ESPN: variants seen among roughly 807,000 people sequenced by gnomAD.
The protein encoded by ESPN is autosomal recessive deafness type 36 protein.
In ESPN, 68 loss-of-function variants were observed where a neutral mutation model predicts 77.7. The observed-to-expected ratio is 0.87, with a 90% CI of 0.72 to 1.07. The LOEUF is 1.07. Among genes scored for constraint, ESPN ranks in the 50% least tolerant of loss-of-function variants. The pLI is 0.00. For missense variants in ESPN, 1,060 were observed against 1,239.0 expected (o/e 0.86, Z 2.17); for synonymous variants, 449 against 567.1 (o/e 0.79, Z 2.96).
Position 6,445,813 on chromosome 1 carries a change from C to T in ESPN, c.1342C>T (p.Leu448=). The part of the protein sequence containing the change: ...PPPPPPPGTQ[L]PPPPPGYPAP... ...GCCACCCCCGCCCCCAGGCACCCAA[C>T]TGCCCCCACCCCCACCTGGCTACCC... is the stretch of plus-strand genomic sequence containing the variant. Residue 448 remains leucine, a synonymous_variant, in exon 7 of 13, where the codon CTG becomes TTG. Coordinates refer to ENST00000645284, the MANE Select transcript of ESPN (RefSeq NM_031475.3). The T allele has an allele frequency of 6.6e-7, 1 of 1,518,100 alleles. No individual in the cohort carries two copies. The highest frequency in any genetic ancestry group is 1.4e-5 in the African/African-American group (1 of 70,600). 94.0% of individuals were successfully genotyped at this position (1,518,100 alleles called of 1,614,324 possible).
At chr1:6,461,197 C>T (rs1340437140), downstream of ESPN, 1 of 720,500 alleles carries the variant, frequency 1.4e-6, no homozygotes, top group South Asian at 1.5e-5. The surrounding 1 kb of genome is among the most constrained non-coding windows in gnomAD (Gnocchi z 6.3). Context: ...ACCGCGATCT[C>T]AGCCAAACTC....
rs1569731046 is a variant in ESPN, at chr1:6,452,193, A to G, written c.2325+97A>G. 6.0e-6 allele frequency: 8 copies of G among 1,324,436 alleles called. No homozygotes were observed. In the South Asian group the frequency reaches 1.1e-4, roughly 18 times the overall value. 82.0% of individuals were successfully genotyped at this position (1,324,436 alleles called of 1,614,324 possible). On this transcript the variant is annotated intron_variant, in intron 10 of 12. Transcript: ENST00000645284. ...CCCAACCCCAACCTCGGGACCTCCC[A>G]TTTTCTTTCTTTTTTTTTTTTCTTT...
rs1489608856 is a variant in ESPN, at chr1:6,449,057, C to T, written c.1881C>T (p.Gly627=). ...TGCCCCTCGAGAGCGCTGGCCCTGG[C>T]TGCGGGCAGCGCCGCTCCTCCTCGT... ...PPLPLESAGP[G]CGQRRSSSST... The change falls in exon 8 of 13, where the codon GGC becomes GGT. Residue 627 remains glycine, a synonymous_variant. Transcript: ENST00000645284. 9 of 1,484,802 alleles carry T rather than the reference C, an allele frequency of 6.1e-6. No individual in the cohort carries two copies. Among genetic ancestry groups the T allele is most frequent in the Non-Finnish European group, 7.1e-6 (8 of 1,124,806 alleles). 92.0% of individuals were successfully genotyped at this position (1,484,802 alleles called of 1,614,324 possible).
chr1:6,455,885 C>T, intron 10 of ESPN: 1 of 398,906 alleles, frequency 2.5e-6, no homozygotes, highest in Non-Finnish European at 4.4e-6. Context: ...AGCCGGCCCC[C>T]GAAGAACAGG....
intron 5 of ESPN, among the ~76,000 whole-genome samples, chr1:6,442,413 A>G (rs1643669300): frequency 1.3e-5 from 2 of 151,620 alleles, no homozygotes; most frequent in South Asian, 4.2e-4. Flanking sequence ...TACTAAAAAT[A>G]CAAAAAAAAA....
In ESPN at chr1:6,427,917, G is replaced by A. The variant is rs111917811; in HGVS notation, c.295-309G>A. 0.14 allele frequency among the ~76,000 whole-genome samples: 21,626 copies of A among 152,190 alleles called. 2,115 individuals carry two copies. The highest frequency in any genetic ancestry group is 0.28 in the African/African-American group (11,532 of 41,500). On this transcript the variant is annotated intron_variant, in intron 1 of 12. Coordinates refer to ENST00000645284, the MANE Select transcript of ESPN (RefSeq NM_031475.3). This position sits in a 1 kb window ranked among gnomAD's most constrained non-coding sequence, Gnocchi z 4.6. ...CTGGGCCTGGTGCCAGTCTCCTGCC[G>A]TGACAACCAGGTGCCTGTCGTGTAG... is the stretch of plus-strand genomic sequence containing the variant.
rs145974670 is a variant in ESPN at position 6,425,424 on chromosome 1, T to A, written c.294+175T>A. On this transcript the variant is annotated intron_variant, in intron 1 of 12. Transcript: ENST00000645284. Reference sequence around the variant, plus strand: ...GTGAATGGGCTCCCTGGCTTGCCAGTACTGGGGCAGATGCCCTGGCGAGCC... The same window carrying A: ...GTGAATGGGCTCCCTGGCTTGCCAGAACTGGGGCAGATGCCCTGGCGAGCC... Among the ~76,000 whole-genome samples the A allele has an allele frequency of 1.2e-4, 18 of 152,324 alleles. No individual in the cohort carries two copies. In the East Asian group the frequency reaches 3.5e-3, roughly 29 times the overall value.
rs575954281 is a variant in ESPN at position 6,439,606 on chromosome 1, G to A, written c.489-648G>A. Among the ~76,000 whole-genome samples, 6 of 152,236 alleles carry A rather than the reference G, an allele frequency of 3.9e-5. No homozygotes were observed. In the South Asian group the frequency reaches 1.2e-3, roughly 32 times the overall value. On this transcript the variant is annotated intron_variant, in intron 2 of 12. Coordinates refer to ENST00000645284, the MANE Select transcript of ESPN (RefSeq NM_031475.3). ...AGGAGAAGGACATTCCAGATGGAGG[G>A]GGCACACAATGAAAGGGATAGAGGT... is the stretch of plus-strand genomic sequence containing the variant.
At chr1:6,449,926 C>T (rs1321947948) in intron 8 of ESPN, among the ~76,000 whole-genome samples, 1 of 152,124 alleles carries the variant, frequency 6.6e-6, no homozygotes, top group Non-Finnish European at 1.5e-5. Flanking sequence ...CTTAGTGGCA[C>T]CCCTCAAAGC....
At position 6,460,410 on chromosome 1, in the gene ESPN, C is replaced by G. The variant is rs547192907; in HGVS notation, c.*264C>G. The G allele has an allele frequency of 1.3e-4, 65 of 499,154 alleles. 1 individual carries two copies. The South Asian group carries it at 1.5e-3, about 12-fold the overall frequency. The allele number at this position is 499,154 out of a possible 1,614,324, so 30.9% of individuals were successfully genotyped here. A position where few individuals can be genotyped will look rare whatever the true frequency, so the allele number is the denominator to read the frequency against. ...TGCTGCTTATTTGCATGCCGACTTA[C>G]ATATATTTGCATGTTCGTTGACTAT... On this transcript the variant is annotated 3_prime_UTR_variant, in exon 13 of 13. Coordinates refer to ENST00000645284, the MANE Select transcript of ESPN (RefSeq NM_031475.3).
chr1:6,454,095 C>T (rs557318483), intron 10 of ESPN, among the ~76,000 whole-genome samples: 3 of 152,346 alleles, frequency 2.0e-5, no homozygotes, highest in East Asian at 1.9e-4. Flanking sequence ...TCAGCTTCAA[C>T]GCCTTTCGCA....
rs555469455 is a variant in ESPN at position 6,455,233 on chromosome 1, C to T, written c.2326-1951C>T. 2.1e-5 allele frequency: 8 copies of T among 389,968 alleles called. No individual in the cohort carries two copies. The South Asian group carries it at 3.8e-4, about 19-fold the overall frequency. 24.2% of individuals were successfully genotyped at this position (389,968 alleles called of 1,614,324 possible). ...CTGGCGCGCCGGCCGCCCCTCTGCA[C>T]GAAGCTGCGCGGCGTCCAGGACTAC... On this transcript the variant is annotated intron_variant, in intron 10 of 12. Coordinates refer to ENST00000645284, the MANE Select transcript of ESPN (RefSeq NM_031475.3).
At chr1:6,435,404 A>T (rs1275247553) in intron 2 of ESPN, among the ~76,000 whole-genome samples, 2 of 152,264 alleles carry the variant, frequency 1.3e-5, no homozygotes, top group Non-Finnish European at 2.9e-5. Context: ...AGATTCCCAC[A>T]GCCCACACGG....
At chr1:6,452,612 G>A (rs564393463) in intron 10 of ESPN, among the ~76,000 whole-genome samples, 10 of 152,184 alleles carry the variant, frequency 6.6e-5, no homozygotes, top group African/African-American at 1.2e-4. Flanking sequence ...AGGCCTGTTC[G>A]GATTTAGGAG....
In ESPN at chr1:6,460,727, G is replaced by GC. The variant is rs754407665; in HGVS notation, c.*586dup. The stretch of plus-strand genomic sequence containing the variant: ...CCTGTCTGGCCGGGCCGCACTTGTG[G>GC]CCCCCGGGACCCCACCTCTGGCCCC... On this transcript the variant is annotated 3_prime_UTR_variant, in exon 13 of 13. Transcript: ENST00000645284. The GC allele has an allele frequency of 4.0e-4, 69 of 170,390 alleles. No homozygotes were observed. The highest frequency in any genetic ancestry group is 7.7e-4 in the Non-Finnish European group (61 of 78,924). The allele number at this position is 170,390 out of a possible 1,614,324, so 10.6% of individuals were successfully genotyped here. A position where few individuals can be genotyped will look rare whatever the true frequency, so the allele number is the denominator to read the frequency against.
At chr1:6,432,992 C>A (rs1248157629) in intron 2 of ESPN, among the ~76,000 whole-genome samples, 2 of 151,766 alleles carry the variant, frequency 1.3e-5, no homozygotes, top group Non-Finnish European at 2.9e-5. Context: ...TGTGGTGGCA[C>A]GTGCCTGTAG....
At position 6,445,656 on chromosome 1, in the gene ESPN, C is replaced by T. The variant is rs1294223564; in HGVS notation, c.1193-8C>T. On this transcript the variant is annotated splice_polypyrimidine_tract_variant and splice_region_variant and intron_variant, in intron 6 of 12. Coordinates refer to ENST00000645284, the MANE Select transcript of ESPN (RefSeq NM_031475.3). ...TCCCAAATCTGGCCCTTCCTTCTGC[C>T]TCCCCAGGGCTTTCCAGCGCTAGAG... 1.9e-6 allele frequency: 3 copies of T among 1,611,822 alleles called. No individual in the cohort carries two copies. The highest frequency in any genetic ancestry group is 1.7e-4 in the Middle Eastern group (1 of 5,736).
At position 6,448,693 on chromosome 1, in the gene ESPN, A is replaced by G; in HGVS notation, c.1517A>G (p.Lys506Arg). The change falls in exon 8 of 13, where the codon AAG becomes AGG. Residue 506 changes from lysine (K) to arginine (R), a missense_variant. Physicochemically the swap from Lys to Arg is conservative, Grantham distance 26 (BLOSUM62 2). Transcript: ENST00000645284. ...CTGCGGAGGCAGGACTCCAGCCGCA[A>G]GCCCCGCGCCTTCAGCAAGCAGCCC... ...DGLRRQDSSR[K>R]PRAFSKQPST... is the part of the protein sequence containing the mutation. 1.3e-6 allele frequency: 2 copies of G among 1,544,766 alleles called. No homozygotes were observed. Among genetic ancestry groups the G allele is most frequent in the Non-Finnish European group, 1.7e-6 (2 of 1,156,248 alleles).
chr1:6,455,343 C>G, intron 10 of ESPN: 1 of 385,470 alleles, frequency 2.6e-6, no homozygotes, highest in Non-Finnish European at 4.6e-6. Flanking sequence ...CCGCCGCGCC[C>G]AGGCGCGCCT....
Sources: allele counts gnomAD v4.1 joint callset (sites outside exome capture counted in the v4.1 genomes callset), GRCh38; gene constraint gnomAD v4.1.1; non-coding constraint Gnocchi (gnomAD v3.1); transcripts MANE v1.5; gene names NCBI Gene and HGNC (gene_info 2026-07-23, HGNC 2026-07-21).